The following AR variants were observed in gnomAD, a reference collection of about 807,000 sequenced individuals.
AR encodes dihydrotestosterone receptor.
Under a neutral mutation model 53.9 loss-of-function variants are expected in AR, and 8 were observed. The observed-to-expected ratio is 0.15, with a 90% CI of 0.09 to 0.27. The LOEUF (loss-of-function observed/expected upper bound fraction) is 0.27, where lower values mean the gene tolerates loss of function less well. AR is among the 10% of genes least tolerant of loss of function. The pLI is 1.00. For synonymous variants in AR, 359 were observed against 316.4 expected (o/e 1.13, Z -1.43); for missense variants, 639 against 742.5 (o/e 0.86, Z 1.62).
chrX:67,653,473 G>A (rs1435880654), intron 2 of AR, among the ~76,000 whole-genome samples: 1 of 111,721 alleles, frequency 9.0e-6, no homozygotes, highest in African/African-American at 3.3e-5. Flanking sequence ...GGATGGATAA[G>A]AGTTTGCCAG....
chrX:67,710,083 CGT>C lies in AR; in HGVS notation c.1886-1302_1886-1301del, dbSNP rs760335443. Among the ~76,000 whole-genome samples the C allele has an allele frequency of 8.5e-5, 9 of 106,359 alleles. No individual in the cohort carries two copies. The South Asian group carries it at 1.2e-3, about 15-fold the overall frequency. 92.4% of individuals were successfully genotyped at this position (106,359 alleles called of 115,157 possible). The stretch of plus-strand genomic sequence containing the variant: ...GTGTGTGCATGTGTGTGTGAGTGTG[CGT>C]GTGTGTGTGTGTGTGTTTAGAGAGA... On this transcript the variant is annotated intron_variant, in intron 3 of 7. Transcript: ENST00000374690.
intron 1 of AR, among the ~76,000 whole-genome samples, chrX:67,641,980 A>G (rs1218722772): frequency 3.7e-5 from 4 of 109,569 alleles, no homozygotes; most frequent in Non-Finnish European, 7.6e-5. Flanking sequence ...TTGGACTTGT[A>G]ATCAAATTGT....
chrX:67,713,737 G>C (rs976175599), intron 4 of AR, among the ~76,000 whole-genome samples: 22 of 111,949 alleles, frequency 2.0e-4, no homozygotes, highest in South Asian at 7.4e-4. Context: ...AGCAGAATTT[G>C]TATGACTTGG....
At chrX:67,583,938 C>T (rs1339086469) in intron 1 of AR, among the ~76,000 whole-genome samples, 1 of 111,667 alleles carries the variant, frequency 9.0e-6, no homozygotes, top group Admixed American at 9.5e-5. Flanking sequence ...TAGGAAATGC[C>T]CACAGACTAC....
At chrX:67,617,286 T>C (rs919246533) in intron 1 of AR, among the ~76,000 whole-genome samples, 8 of 111,681 alleles carry the variant, frequency 7.2e-5, no homozygotes, top group African/African-American at 2.6e-4. Flanking sequence ...ATTTTCTAAA[T>C]TTTTGTATGA....
chrX:67,645,101 C>T (rs1925991316), intron 2 of AR, among the ~76,000 whole-genome samples: 1 of 111,428 alleles, frequency 9.0e-6, no homozygotes, highest in South Asian at 3.8e-4. Flanking sequence ...GGTAGTGTGT[C>T]AGCAAGCCCA....
chrX:67,727,172 A>G lies in AR; in HGVS notation c.*3331A>G. ...GATTCTTTGTTTCATAGCTTTTTCTATGCCATAGGCAATATTGTTGTTCTT... is the reference window on the plus strand; with the variant it reads ...GATTCTTTGTTTCATAGCTTTTTCTGTGCCATAGGCAATATTGTTGTTCTT... On this transcript the variant is annotated 3_prime_UTR_variant, in exon 8 of 8. Coordinates refer to ENST00000374690, the MANE Select transcript of AR (RefSeq NM_000044.6). 5.8e-6 allele frequency: 1 copy of G among 171,260 alleles called. No individual in the cohort carries two copies. Among genetic ancestry groups the G allele is most frequent in the Non-Finnish European group, 1.1e-5 (1 of 88,752 alleles). The allele number at this position is 171,260 out of a possible 1,213,427, so 14.1% of individuals were successfully genotyped here. A position where few individuals can be genotyped will look rare whatever the true frequency, so the allele number is the denominator to read the frequency against.
At chrX:67,627,475 G>A (rs1924744124) in intron 1 of AR, among the ~76,000 whole-genome samples, 1 of 111,716 alleles carries the variant, frequency 9.0e-6, no homozygotes, top group Admixed American at 9.5e-5. Context: ...TTTTGATGGG[G>A]TCGTTTGTTT....
At chrX:67,564,170 A>C (rs1303549286) in intron 1 of AR, among the ~76,000 whole-genome samples, 4 of 111,556 alleles carry the variant, frequency 3.6e-5, no homozygotes, top group Non-Finnish European at 5.7e-5. Context: ...TTTTAACAGC[A>C]AGTTGTGTCT....
At chrX:67,573,481 T>C (rs966262564) in intron 1 of AR, among the ~76,000 whole-genome samples, 4 of 111,669 alleles carry the variant, frequency 3.6e-5, no homozygotes, top group Non-Finnish European at 5.7e-5. Flanking sequence ...ATGGATTGGT[T>C]TTCTGAGGTC....
chrX:67,568,765 C>T, intron 1 of AR: 2 of 1,001,486 alleles, frequency 2.0e-6, no homozygotes, highest in East Asian at 6.9e-5. Context: ...GCCGTCCCTC[C>T]TCTTCCCAAC....
intron 1 of AR, among the ~76,000 whole-genome samples, chrX:67,570,192 T>C (rs1921753216): frequency 8.9e-6 from 1 of 112,044 alleles, no homozygotes; most frequent in African/African-American, 3.2e-5. Flanking sequence ...CATCCATGTA[T>C]CTTTCTGCTT....
chrX:67,720,881 C>T (rs1368984058), intron 5 of AR, among the ~76,000 whole-genome samples: 2 of 89,470 alleles, frequency 2.2e-5, no homozygotes, highest in Non-Finnish European at 4.2e-5. Flanking sequence ...TTCTGTCTTA[C>T]ACACACACAC....
chrX:67,646,676 C>G (rs976063508), intron 2 of AR, among the ~76,000 whole-genome samples: 2 of 110,305 alleles, frequency 1.8e-5, no homozygotes, highest in Non-Finnish European at 3.8e-5. Flanking sequence ...GTTGTGTAGA[C>G]TTGGATAAGA....
At chrX:67,712,049 C>A (rs1234236267) in intron 4 of AR, among the ~76,000 whole-genome samples, 1 of 111,784 alleles carries the variant, frequency 8.9e-6, no homozygotes, top group Non-Finnish European at 1.9e-5. Context: ...ACAGGCTCAC[C>A]CCAAAGATAA....
chrX:67,586,241 TCTA>T (rs1041301082), intron 1 of AR, among the ~76,000 whole-genome samples: 2 of 111,738 alleles, frequency 1.8e-5, no homozygotes, highest in African/African-American at 3.3e-5. Flanking sequence ...TTCATTTCCT[TCTA>T]CTTTTTTCTC....
intron 3 of AR, among the ~76,000 whole-genome samples, chrX:67,686,569 A>T (rs1229310667): frequency 9.0e-6 from 1 of 111,326 alleles, no homozygotes; most frequent in African/African-American, 3.3e-5. Flanking sequence ...ACCTGGGAAT[A>T]TCCCTTAGCT....
At chrX:67,638,346 G>T (rs1925560328) in intron 1 of AR, among the ~76,000 whole-genome samples, 1 of 111,642 alleles carries the variant, frequency 9.0e-6, no homozygotes, top group African/African-American at 3.3e-5. Context: ...CCCAGTAATA[G>T]AAATGCTTGG....
intron 1 of AR, among the ~76,000 whole-genome samples, chrX:67,642,410 C>T (rs780369320): frequency 3.0e-4 from 33 of 111,775 alleles, no homozygotes; most frequent in Admixed American, 3.8e-4. Context: ...TCCTTCATAT[C>T]CACCTGAAAG....
Sources: gnomAD v4.1 joint callset for allele counts (sites outside exome capture counted in the v4.1 genomes callset) on GRCh38, gnomAD v4.1.1 for gene constraint, MANE v1.5 for transcripts, NCBI Gene and HGNC (gene_info 2026-07-23, HGNC 2026-07-21) for gene names.